USP37: variants seen among roughly 807,000 people sequenced by gnomAD.
The protein encoded by USP37 is ubiquitin carboxyl-terminal hydrolase 37.
Under a neutral mutation model 124.0 loss-of-function variants are expected in USP37, and 27 were observed. That is an observed-to-expected ratio of 0.22 (90% CI 0.16 to 0.30). The LOEUF (loss-of-function observed/expected upper bound fraction) is 0.30. Among genes scored for constraint, USP37 ranks in the 10% least tolerant of loss-of-function variants. The probability of loss-of-function intolerance (pLI) is 1.00; values close to 1 mark genes in which losing one functional copy is unlikely to be tolerated. For missense variants in USP37, 889 were observed against 1,140.4 expected, an observed-to-expected ratio of 0.78 and a Z score of 3.17; for synonymous variants, 365 against 388.0, an observed-to-expected ratio of 0.94 and a Z score of 0.70.
rs745541398 is a variant in USP37, at chr2:218,452,920, C to T, written c.*2010G>A. ...CAATTATTTCCAAGCAAAATCAAAC[C>T]AAACCAAAGAGGCTCCTGGTAGAAA... On this transcript the variant is annotated 3_prime_UTR_variant, in exon 26 of 26. Coordinates refer to ENST00000258399, the MANE Select transcript of USP37 (RefSeq NM_020935.3). The T allele has an allele frequency of 6.6e-6, 1 of 152,124 alleles. No individual in the cohort carries two copies. Among genetic ancestry groups the T allele is most frequent in the Non-Finnish European group, 1.5e-5 (1 of 68,026 alleles). The allele number at this position is 152,124 out of a possible 1,614,324, so 9.4% of individuals were successfully genotyped here.
At chr2:218,559,429 C>A (rs1254052720) in intron 3 of USP37, among the ~76,000 whole-genome samples, 1 of 152,086 alleles carries the variant, frequency 6.6e-6, no homozygotes, top group Non-Finnish European at 1.5e-5. Context: ...GCAATCTAAG[C>A]ATATCCGTAT....
intron 8 of USP37, among the ~76,000 whole-genome samples, chr2:218,544,386 C>CAAAAAAAAAAA (rs1163366372): frequency 1.9e-4 from 5 of 25,770 alleles, no homozygotes; most frequent in Admixed American, 6.2e-4. Context: ...CTCCGTTTCA[C>CAAAAAAAAAAA]AAAAAAAAAA....
intron 21 of USP37, among the ~76,000 whole-genome samples, chr2:218,463,853 G>GTTTTTTTTTTTTTT (rs1559162855): frequency 7.7e-6 from 1 of 129,210 alleles, no homozygotes; most frequent in Non-Finnish European, 1.6e-5. Context: ...TATTTTTTAA[G>GTTTTTTTTTTTTTT]ATTTTTTTTT....
chr2:218,542,090 G>A (rs1692007130), intron 8 of USP37, among the ~76,000 whole-genome samples: 1 of 152,176 alleles, frequency 6.6e-6, no homozygotes, highest in Admixed American at 6.5e-5. Flanking sequence ...GCTAGATCAA[G>A]ACGAAGCCTA....
chr2:218,483,073 C>G (rs1466480136), intron 16 of USP37, among the ~76,000 whole-genome samples: 2 of 152,144 alleles, frequency 1.3e-5, no homozygotes, highest in African/African-American at 2.4e-5. Context: ...AATTTGCAAA[C>G]TGAAGTTATA....
In USP37 at chr2:218,477,023, T is replaced by C. The variant is rs779042529; in HGVS notation, c.1902-42A>G. 2.1e-6 allele frequency: 3 copies of C among 1,451,698 alleles called. No homozygotes were observed. In the East Asian group the frequency reaches 7.6e-5, roughly 37 times the overall value. The allele number at this position is 1,451,698 out of a possible 1,614,324, so 89.9% of individuals were successfully genotyped here. A position where few individuals can be genotyped will look rare whatever the true frequency, so the allele number is the denominator to read the frequency against. ...AAAAAAAAAGCCTGATAAACATTTGTCTTTGTTATTCTTTTATTGTAAAAA... is the reference window on the plus strand; with the variant it reads ...AAAAAAAAAGCCTGATAAACATTTGCCTTTGTTATTCTTTTATTGTAAAAA... On this transcript the variant is annotated intron_variant, in intron 18 of 25. Transcript: ENST00000258399.
At chr2:218,494,177 G>C (rs1288977324) in intron 14 of USP37, among the ~76,000 whole-genome samples, 1 of 152,164 alleles carries the variant, frequency 6.6e-6, no homozygotes, top group African/African-American at 2.4e-5. Context: ...ATGCAAAACT[G>C]TCTTTATTAA....
intron 15 of USP37, chr2:218,486,425 G>GT (rs1559177939): frequency 6.6e-6 from 1 of 152,184 alleles, no homozygotes; most frequent in South Asian, 2.1e-4. Flanking sequence ...TTTTTTGTCT[G>GT]TTTGTTTTGA....
In USP37 at chr2:218,553,570, T is replaced by C. The variant is rs140347931; in HGVS notation, c.311A>G (p.Gln104Arg). The C allele has an allele frequency of 2.4e-4, 393 of 1,613,442 alleles. No individual in the cohort carries two copies. The highest frequency in any genetic ancestry group is 3.7e-4 in the Admixed American group (22 of 59,896). ...GTACTCACCTGCAGGAAGTCTGTTT[T>C]GATGGACTGCATCTAGAAACAACCT... ...EMRLFLDAVHQNRLPAAMKPS... is the reference protein window; with the variant it reads ...EMRLFLDAVHRNRLPAAMKPS... The change falls in exon 5 of 26, where the codon CAA (glutamine) becomes CGA (arginine). Residue 104 changes from glutamine (Q) to arginine (R), a missense_variant. By Grantham distance (43) the Gln-to-Arg change is conservative. Transcript: ENST00000258399.
At chr2:218,477,911 A>G (rs1351801966) in intron 18 of USP37, among the ~76,000 whole-genome samples, 3 of 152,252 alleles carry the variant, frequency 2.0e-5, no homozygotes, top group Non-Finnish European at 4.4e-5. Context: ...ATGATGCCAG[A>G]TAAGTAAGGT....
At chr2:218,520,594 G>A (rs1000462799) in intron 10 of USP37, among the ~76,000 whole-genome samples, 17 of 150,832 alleles carry the variant, frequency 1.1e-4, no homozygotes, top group African/African-American at 3.6e-4. Flanking sequence ...TCGGGTGATC[G>A]GCCCACCACA....
At chr2:218,484,450 C>T (rs1691437741) in intron 16 of USP37, among the ~76,000 whole-genome samples, 2 of 151,204 alleles carry the variant, frequency 1.3e-5, no homozygotes, top group African/African-American at 2.4e-5. Flanking sequence ...GGCAAAACCC[C>T]GTCTCTACTA....
chr2:218,517,066 C>G (rs539733042), intron 10 of USP37, among the ~76,000 whole-genome samples: 53 of 152,214 alleles, frequency 3.5e-4, no homozygotes, highest in African/African-American at 1.2e-3. Context: ...AACCCTACAC[C>G]CCTGTGAGAA....
intron 14 of USP37, among the ~76,000 whole-genome samples, chr2:218,490,117 C>T (rs946056184): frequency 1.3e-5 from 2 of 152,042 alleles, no homozygotes; most frequent in South Asian, 2.1e-4. Flanking sequence ...TTTGGGAGGC[C>T]GAGGTGGGCG....
chr2:218,482,042 A>G (rs1691297947), intron 17 of USP37, 28 bp downstream of exon 17: 5 of 1,563,724 alleles, frequency 3.2e-6, no homozygotes, highest in Non-Finnish European at 4.3e-6. Context: ...AAAAGGGAAT[A>G]TAAAGACATA....
At chr2:218,464,218 T>G (rs543178332) in intron 21 of USP37, among the ~76,000 whole-genome samples, 4 of 151,782 alleles carry the variant, frequency 2.6e-5, no homozygotes, top group Non-Finnish European at 5.9e-5. Context: ...TAAGAACCAC[T>G]GATCTAGAGA....
rs987968702 is a variant in USP37 at position 218,553,499 on chromosome 2, A to C, written c.328+54T>G. On this transcript the variant is annotated intron_variant, in intron 5 of 25. Coordinates refer to ENST00000258399, the MANE Select transcript of USP37 (RefSeq NM_020935.3). ...TCAGTTGAATATTGGTCTGTAGTCT[A>C]GTCATAGCCTTGTAAAAATACTAAC... 4 of 1,512,018 alleles carry C rather than the reference A, an allele frequency of 2.6e-6. No individual in the cohort carries two copies. In the Admixed American group the frequency reaches 8.1e-5, roughly 31 times the overall value. 93.7% of individuals were successfully genotyped at this position (1,512,018 alleles called of 1,614,324 possible).
At chr2:218,559,389 A>G (rs1370949156) in intron 3 of USP37, among the ~76,000 whole-genome samples, 1 of 152,242 alleles carries the variant, frequency 6.6e-6, no homozygotes, top group East Asian at 1.9e-4. Context: ...ACATCAAAGT[A>G]TATCACCAAA....
intron 4 of USP37, among the ~76,000 whole-genome samples, chr2:218,554,138 G>C (rs983745285): frequency 6.6e-6 from 1 of 152,112 alleles, no homozygotes. Context: ...TTCATTTTCT[G>C]ATGTTTTTAA....
Sources: allele counts gnomAD v4.1 joint callset (sites outside exome capture counted in the v4.1 genomes callset), GRCh38; gene constraint gnomAD v4.1.1; transcripts MANE v1.5; gene names NCBI Gene and HGNC (gene_info 2026-07-23, HGNC 2026-07-21).